Variants in FGF8 observed in about 807,000 individuals in gnomAD.
FGF8 encodes fibroblast growth factor 8.
FGF8 carries 12 observed loss-of-function variants against 29.7 expected under a neutral mutation model. The ratio of observed to expected loss-of-function variants is 0.40; its 90% confidence interval spans 0.26 to 0.65. The LOEUF is 0.65. Among genes scored for constraint, FGF8 ranks in the 30% least tolerant of loss-of-function variants. The pLI, the probability that FGF8 is intolerant of heterozygous loss-of-function variation, is 0.37. For synonymous variants in FGF8, 157 were observed against 144.4 expected (o/e 1.09, Z -0.63); for missense variants, 271 against 345.1 (o/e 0.79, Z 1.70).
rs1589811042 is a variant in FGF8, at chr10:101,771,772, G to A, written c.338-203C>T. 6.6e-6 allele frequency among the ~76,000 whole-genome samples: 1 copy of A among 152,224 alleles called. No homozygotes were observed. The highest frequency in any genetic ancestry group is 2.4e-5 in the African/African-American group (1 of 41,458). On this transcript the variant is annotated intron_variant, in intron 4 of 5. Coordinates refer to ENST00000320185, the MANE Select transcript of FGF8 (RefSeq NM_033163.5). This position sits in a 1 kb window ranked among gnomAD's most constrained non-coding sequence, Gnocchi z 5.3. Reference sequence around the variant, plus strand: ...GGCCCCACCCCTGGGTTTACAGAGGGCAGTGGACGGGATTATGGTTTTCAA... The same window carrying A: ...GGCCCCACCCCTGGGTTTACAGAGGACAGTGGACGGGATTATGGTTTTCAA...
upstream of FGF8, among the ~76,000 whole-genome samples, chr10:101,776,357 G>A (rs1564633462): frequency 6.6e-6 from 1 of 150,640 alleles, no homozygotes; most frequent in Non-Finnish European, 1.5e-5. Context: ...CTAGGGGAGG[G>A]GTCTGGGGAC....
chr10:101,775,680 C>G lies in FGF8; in HGVS notation c.69+60G>C. 6.5e-7 allele frequency: 1 copy of G among 1,527,924 alleles called. No individual in the cohort carries two copies. The highest frequency in any genetic ancestry group is 8.8e-7 in the Non-Finnish European group (1 of 1,136,336). 94.6% of individuals were successfully genotyped at this position (1,527,924 alleles called of 1,614,324 possible). A position where few individuals can be genotyped will look rare whatever the true frequency, so the allele number is the denominator to read the frequency against. On this transcript the variant is annotated intron_variant, in intron 2 of 5. Coordinates refer to ENST00000320185, the MANE Select transcript of FGF8 (RefSeq NM_033163.5). The surrounding 1 kb of genome is among the most constrained non-coding windows in gnomAD (Gnocchi z 4.6). ...TCAGTCCCGGTGCCCCCGACCGGCGCTGCCCACCCGGGTCTCACACCGGCG... is the reference window on the plus strand; with the variant it reads ...TCAGTCCCGGTGCCCCCGACCGGCGGTGCCCACCCGGGTCTCACACCGGCG...
rs199858724 is a variant in FGF8, at chr10:101,775,202, C to A, written c.84G>T (p.Arg28Ser). The change falls in exon 3 of 6, where the codon AGG becomes AGT. Residue 28 changes from arginine to serine, a missense_variant. Physicochemically the swap from Arg to Ser is moderately radical, Grantham distance 110 (BLOSUM62 -1). Coordinates refer to ENST00000320185, the MANE Select transcript of FGF8 (RefSeq NM_033163.5). The surrounding 1 kb of genome is among the most constrained non-coding windows in gnomAD (Gnocchi z 4.6). ...CGAGCTCCCTGCCCAGCGCAGGGCC[C>A]CTGCCCGGGCCTTCCTAGAGGAGCA... ...LCLQAQEGPG[R>S]GPALGRELAS... 1.2e-4 allele frequency: 186 copies of A among 1,547,644 alleles called. No individual in the cohort carries two copies. The African/African-American group carries it at 2.4e-3, about 20-fold the overall frequency.
rs748640762 is a variant in FGF8 at position 101,775,837 on chromosome 10, C to CGGGGGGGGGGGGGGGGGGG, written c.32+31_32+32insCCCCCCCCCCCCCCCCCCC. On this transcript the variant is annotated intron_variant, in intron 1 of 5. Coordinates refer to ENST00000320185, the MANE Select transcript of FGF8 (RefSeq NM_033163.5). This position sits in a 1 kb window ranked among gnomAD's most constrained non-coding sequence, Gnocchi z 4.6. ...CGGGTGAGGCGAGGGGCGCGGGGGG[C>CGGGGGGGGGGGGGGGGGGG]GGGTGGCGGGGCAGGGCGGCGCGGT... 1 of 967,854 alleles carries CGGGGGGGGGGGGGGGGGGG rather than the reference C, an allele frequency of 1.0e-6. No individual in the cohort carries two copies. 60.0% of individuals were successfully genotyped at this position (967,854 alleles called of 1,614,324 possible). A position where few individuals can be genotyped will look rare whatever the true frequency, so the allele number is the denominator to read the frequency against.
At position 101,774,180 on chromosome 10, in the gene FGF8, T is replaced by C. The variant is rs1321791722; in HGVS notation, c.337+552A>G. On this transcript the variant is annotated intron_variant, in intron 4 of 5. Coordinates refer to ENST00000320185, the MANE Select transcript of FGF8 (RefSeq NM_033163.5). ...CTCTGCCGGCAGTAGCTCTCCGCAC[T>C]TGCCACCCCACAGGGAGCCGGGAGC... Among the ~76,000 whole-genome samples, 4 of 152,324 alleles carry C rather than the reference T, an allele frequency of 2.6e-5. No homozygotes were observed. In the East Asian group the frequency reaches 7.7e-4, roughly 29 times the overall value.
Position 101,771,678 on chromosome 10 carries a change from A to C in FGF8, c.338-109T>G. On this transcript the variant is annotated intron_variant, in intron 4 of 5. Coordinates refer to ENST00000320185, the MANE Select transcript of FGF8 (RefSeq NM_033163.5). This position sits in a 1 kb window ranked among gnomAD's most constrained non-coding sequence, Gnocchi z 5.3. Reference sequence around the variant, plus strand: ...GCTCCAAAGACCAGGAACCCAAAACATGGACTCCAGCTCCAGCCCAGCTAC... The same window carrying C: ...GCTCCAAAGACCAGGAACCCAAAACCTGGACTCCAGCTCCAGCCCAGCTAC... 2 of 823,720 alleles carry C rather than the reference A, an allele frequency of 2.4e-6. No individual in the cohort carries two copies. The highest frequency in any genetic ancestry group is 4.1e-6 in the Non-Finnish European group (2 of 485,656). 51.0% of individuals were successfully genotyped at this position (823,720 alleles called of 1,614,324 possible). A position where few individuals can be genotyped will look rare whatever the true frequency, so the allele number is the denominator to read the frequency against.
At position 101,774,613 on chromosome 10, in the gene FGF8, C is replaced by T; in HGVS notation, c.337+119G>A. The T allele has an allele frequency of 7.1e-6, 6 of 846,188 alleles. No individual in the cohort carries two copies. In the South Asian group the frequency reaches 7.9e-5, roughly 11 times the overall value. 52.4% of individuals were successfully genotyped at this position (846,188 alleles called of 1,614,324 possible). On this transcript the variant is annotated intron_variant, in intron 4 of 5. Transcript: ENST00000320185. ...TCTTCCCCAGCTGACCCTCAAGACACCTTTCTGCCTTAACTCCTTCCCTTC... is the reference window on the plus strand; with the variant it reads ...TCTTCCCCAGCTGACCCTCAAGACATCTTTCTGCCTTAACTCCTTCCCTTC...
Position 101,771,191 on chromosome 10 carries a change from T to C in FGF8, c.444+272A>G, listed in dbSNP as rs1446690647. 1.3e-5 allele frequency among the ~76,000 whole-genome samples: 2 copies of C among 152,180 alleles called. No homozygotes were observed. The highest frequency in any genetic ancestry group is 4.8e-5 in the African/African-American group (2 of 41,442). On this transcript the variant is annotated intron_variant, in intron 5 of 5. Coordinates refer to ENST00000320185, the MANE Select transcript of FGF8 (RefSeq NM_033163.5). The surrounding 1 kb of genome is among the most constrained non-coding windows in gnomAD (Gnocchi z 5.3). ...ACATAATAGCAAAGCAATTTGGCGA[T>C]TTGTTAAAAAGATATATGGAATTTA...
intron 4 of FGF8, among the ~76,000 whole-genome samples, chr10:101,774,176 G>A (rs993357965): frequency 6.6e-6 from 1 of 152,166 alleles, no homozygotes; most frequent in Admixed American, 6.5e-5. Flanking sequence ...GTAGCTCTCC[G>A]CACTTGCCAC....
upstream of FGF8, among the ~76,000 whole-genome samples, chr10:101,777,368 C>T (rs1174281606): frequency 3.3e-5 from 5 of 152,172 alleles, no homozygotes; most frequent in African/African-American, 1.2e-4. Flanking sequence ...CCCTCCATTC[C>T]CCTGGGGGTA....
chr10:101,773,650 C>T (rs1041464988), intron 4 of FGF8, among the ~76,000 whole-genome samples: 4 of 152,164 alleles, frequency 2.6e-5, no homozygotes, highest in Admixed American at 2.0e-4. Context: ...AAGTCAGCTA[C>T]GTCGATGCAG....
Position 101,771,195 on chromosome 10 carries a change from T to C in FGF8, c.444+268A>G, listed in dbSNP as rs189102816. On this transcript the variant is annotated intron_variant, in intron 5 of 5. Transcript: ENST00000320185. This position sits in a 1 kb window ranked among gnomAD's most constrained non-coding sequence, Gnocchi z 5.3. ...AATAGCAAAGCAATTTGGCGATTTG[T>C]TAAAAAGATATATGGAATTTACCAA... is the stretch of plus-strand genomic sequence containing the variant. 2.5e-4 allele frequency among the ~76,000 whole-genome samples: 38 copies of C among 152,302 alleles called. No homozygotes were observed. Among genetic ancestry groups the C allele is most frequent in the African/African-American group, 8.7e-4 (36 of 41,566 alleles).
In FGF8 at chr10:101,775,717, C is replaced by T. The variant is rs1172280313; in HGVS notation, c.69+23G>A. The T allele has an allele frequency of 1.3e-6, 2 of 1,542,372 alleles. No homozygotes were observed. Among genetic ancestry groups the T allele is most frequent in the East Asian group, 2.5e-5 (1 of 40,702 alleles). Reference sequence around the variant, plus strand: ...GTCTCACACCGGCGCGCCCGGCCCCCGCCTCCGCGCACCCCTCCTCACCTG... The same window carrying T: ...GTCTCACACCGGCGCGCCCGGCCCCTGCCTCCGCGCACCCCTCCTCACCTG... On this transcript the variant is annotated intron_variant, in intron 2 of 5. Transcript: ENST00000320185. This position sits in a 1 kb window ranked among gnomAD's most constrained non-coding sequence, Gnocchi z 4.6.
rs2134987420 is a variant in FGF8, at chr10:101,770,240, C to G, written c.*89G>C. The G allele has an allele frequency of 7.6e-7, 1 of 1,307,990 alleles. No homozygotes were observed. Among genetic ancestry groups the G allele is most frequent in the Admixed American group, 2.4e-5 (1 of 42,506 alleles). 81.0% of individuals were successfully genotyped at this position (1,307,990 alleles called of 1,614,324 possible). ...CCCAGCACCTCCCCAGCCTGCAGAG[C>G]AGCGCACAGCTCATCTTGCTTGAGT... On this transcript the variant is annotated 3_prime_UTR_variant, in exon 6 of 6. Coordinates refer to ENST00000320185, the MANE Select transcript of FGF8 (RefSeq NM_033163.5).
rs556071237 is a variant in FGF8, at chr10:101,770,200, G to A, written c.*129C>T. ...CCAACAGCAAACAATATCAACAACC[G>A]GAACCCAGGGCTCCCCCAGCACCTC... On this transcript the variant is annotated 3_prime_UTR_variant, in exon 6 of 6. Transcript: ENST00000320185. 25 of 793,924 alleles carry A rather than the reference G, an allele frequency of 3.1e-5. No homozygotes were observed. The highest frequency in any genetic ancestry group is 2.3e-4 in the Admixed American group (7 of 30,872). 49.2% of individuals were successfully genotyped at this position (793,924 alleles called of 1,614,324 possible).
Position 101,770,431 on chromosome 10 carries a change from G to C in FGF8, c.633C>G (p.His211Gln), listed in dbSNP as rs1180309083. ...VHFMKRLPRG[H>Q]HTTEQSLRFE... ...AGCGCAGGCTCTGCTCGGTGGTGTG[G>C]TGGCCCCGGGGCAGCCGCTTCATGA... Residue 211 changes from histidine (H) to glutamine (Q), a missense_variant, in exon 6 of 6, where the codon CAC becomes CAG. His to Gln is a conservative substitution (Grantham distance 24). Transcript: ENST00000320185. The C allele has an allele frequency of 5.6e-6, 9 of 1,609,252 alleles. No homozygotes were observed. Among genetic ancestry groups the C allele is most frequent in the Non-Finnish European group, 7.6e-6 (9 of 1,178,122 alleles).
At chr10:101,779,059 C>T (rs1056067196), upstream of FGF8, among the ~76,000 whole-genome samples, 2 of 152,112 alleles carry the variant, frequency 1.3e-5, no homozygotes, top group African/African-American at 4.8e-5. The surrounding 1 kb of genome is among the most constrained non-coding windows in gnomAD (Gnocchi z 5.7). Context: ...ACACACTCCT[C>T]GCCAACACAA....
chr10:101,775,850 A>T lies in FGF8; in HGVS notation c.32+19T>A. On this transcript the variant is annotated intron_variant, in intron 1 of 5. Coordinates refer to ENST00000320185, the MANE Select transcript of FGF8 (RefSeq NM_033163.5). The surrounding 1 kb of genome is among the most constrained non-coding windows in gnomAD (Gnocchi z 4.6). ...GGGCGCGGGGGGCGGGTGGCGGGGC[A>T]GGGCGGCGCGGTACTCACAGGCAGC... 6.6e-7 allele frequency: 1 copy of T among 1,504,560 alleles called. No homozygotes were observed. Among genetic ancestry groups the T allele is most frequent in the Non-Finnish European group, 8.9e-7 (1 of 1,129,924 alleles). The allele number at this position is 1,504,560 out of a possible 1,614,324, so 93.2% of individuals were successfully genotyped here.
Position 101,775,633 on chromosome 10 carries a change from C to T in FGF8, c.69+107G>A. On this transcript the variant is annotated intron_variant, in intron 2 of 5. Coordinates refer to ENST00000320185, the MANE Select transcript of FGF8 (RefSeq NM_033163.5). This position sits in a 1 kb window ranked among gnomAD's most constrained non-coding sequence, Gnocchi z 4.6. ...GGCTGGGTTTCTAAGGTGCCCTCAG[C>T]CCTCCCGCGCCGGCCGCAGAGTCAG... is the stretch of plus-strand genomic sequence containing the variant. The T allele has an allele frequency of 7.5e-7, 1 of 1,330,936 alleles. No individual in the cohort carries two copies. 82.4% of individuals were successfully genotyped at this position (1,330,936 alleles called of 1,614,324 possible).
Sources: gnomAD v4.1 joint callset for allele counts (sites outside exome capture counted in the v4.1 genomes callset) on GRCh38, gnomAD v4.1.1 for gene constraint, Gnocchi (gnomAD v3.1) non-coding constraint, MANE v1.5 for transcripts, NCBI Gene and HGNC (gene_info 2026-07-23, HGNC 2026-07-21) for gene names.